The following IL1RL2 variants were observed in gnomAD, a reference collection of about 807,000 sequenced individuals.
IL1RL2 encodes interleukin 1 receptor like 2.
In IL1RL2, 68 loss-of-function variants were observed where a neutral mutation model predicts 66.8. The ratio of observed to expected loss-of-function variants is 1.02; its 90% confidence interval spans 0.84 to 1.25. IL1RL2 has a LOEUF of 1.25. Ranked by LOEUF, IL1RL2 falls within the 50% of genes most tolerant of loss-of-function variation. The pLI is 0.00. For missense variants in IL1RL2, 729 were observed against 709.3 expected, an observed-to-expected ratio of 1.03 and a Z score of -0.32; for synonymous variants, 305 against 264.6, an observed-to-expected ratio of 1.15 and a Z score of -1.48.
chr2:102,188,423 A>T (rs1352921217), intron 2 of IL1RL2, among the ~76,000 whole-genome samples: 1 of 151,874 alleles, frequency 6.6e-6, no homozygotes, highest in Non-Finnish European at 1.5e-5. Context: ...TCTCTACTAA[A>T]AATACATTAA....
At chr2:102,204,449 C>G (rs921338807) in intron 5 of IL1RL2, among the ~76,000 whole-genome samples, 1 of 152,032 alleles carries the variant, frequency 6.6e-6, no homozygotes, top group Admixed American at 6.5e-5. Context: ...GATTTTCTGC[C>G]TGGAAGATCT....
At chr2:102,196,150 T>C (rs976420756) in intron 4 of IL1RL2, among the ~76,000 whole-genome samples, 1 of 152,212 alleles carries the variant, frequency 6.6e-6, no homozygotes, top group Non-Finnish European at 1.5e-5. Context: ...CTCAGGGCTA[T>C]GACTAGCAAT....
In IL1RL2 at chr2:102,211,210, C is replaced by T. The variant is rs552812813; in HGVS notation, c.650-890C>T. On this transcript the variant is annotated intron_variant, in intron 5 of 11. Transcript: ENST00000264257. Reference sequence around the variant, plus strand: ...TGTATTTTTGCATTTTTCTTAGCTCCTCTCTTACAACTTTTCCATATCCCA... The same window carrying T: ...TGTATTTTTGCATTTTTCTTAGCTCTTCTCTTACAACTTTTCCATATCCCA... Among the ~76,000 whole-genome samples the T allele has an allele frequency of 7.2e-4, 109 of 152,280 alleles. 1 individual carries two copies. The highest frequency in any genetic ancestry group is 1.6e-4 in the Non-Finnish European group (11 of 68,020).
In IL1RL2 at chr2:102,233,081, A is replaced by T. The variant is rs201875816; in HGVS notation, c.1254A>T (p.Gly418=). 475 of 1,613,832 alleles carry T rather than the reference A, an allele frequency of 2.9e-4. 5 individuals are homozygous for T. Among genetic ancestry groups the T allele is most frequent in the Non-Finnish European group, 7.1e-5 (84 of 1,179,886 alleles). ...CCGAGGTGTTGGAGAGACAATGTGGATATAAGTTGTTTATATTCGGCAGAG... is the reference window on the plus strand; with the variant it reads ...CCGAGGTGTTGGAGAGACAATGTGGTTATAAGTTGTTTATATTCGGCAGAG... ...ILPEVLERQC[G]YKLFIFGRDE... is the part of the protein sequence containing the mutation. Residue 418 remains glycine, a synonymous_variant, in exon 10 of 12, where the codon GGA becomes GGT. Transcript: ENST00000264257.
At chr2:102,218,716 T>C (rs1453456748) in intron 6 of IL1RL2, among the ~76,000 whole-genome samples, 1 of 152,198 alleles carries the variant, frequency 6.6e-6, no homozygotes, top group Non-Finnish European at 1.5e-5. Context: ...GTGTACCTGA[T>C]GATGTTTGGT....
At chr2:102,237,421 G>A (rs1051201287) in intron 11 of IL1RL2, among the ~76,000 whole-genome samples, 4 of 152,174 alleles carry the variant, frequency 2.6e-5, no homozygotes, top group Admixed American at 1.3e-4. Flanking sequence ...AGGACGAAGC[G>A]TCCTCAGCCA....
chr2:102,200,314 A>C (rs1190251760), intron 4 of IL1RL2, among the ~76,000 whole-genome samples: 1 of 152,138 alleles, frequency 6.6e-6, no homozygotes, highest in Non-Finnish European at 1.5e-5. Context: ...AGGAAGTAGC[A>C]TTTCACATTA....
intron 5 of IL1RL2, among the ~76,000 whole-genome samples, chr2:102,209,950 C>T (rs1689018823): frequency 6.6e-6 from 1 of 152,084 alleles, no homozygotes; most frequent in Admixed American, 6.5e-5. Context: ...AACAGCCACC[C>T]CCACTGCTCT....
At chr2:102,187,130 G>A (rs1180448263) in intron 1 of IL1RL2, 44 bp downstream of exon 1, 1 of 1,284,714 alleles carries the variant, frequency 7.8e-7, no homozygotes, top group Non-Finnish European at 1.0e-6. Context: ...GCATGGGTGG[G>A]GCCCTGACAG....
intron 11 of IL1RL2, 104 bp downstream of exon 11, chr2:102,235,381 G>C: frequency 6.6e-7 from 1 of 1,508,012 alleles, no homozygotes; most frequent in Non-Finnish European, 8.8e-7. Flanking sequence ...GGGGCCGTCT[G>C]CTCTGAAGCT....
At chr2:102,209,912 C>T (rs528000317) in intron 5 of IL1RL2, among the ~76,000 whole-genome samples, 3 of 152,208 alleles carry the variant, frequency 2.0e-5, no homozygotes, top group African/African-American at 4.8e-5. Context: ...GGTTCTGTGC[C>T]AGGCAGAGAG....
rs763853377 is a variant in IL1RL2, at chr2:102,235,108, C to T, written c.1509C>T (p.Tyr503=). The change falls in exon 11 of 12, where the codon TAC becomes TAT. Residue 503 remains tyrosine, a synonymous_variant. Coordinates refer to ENST00000264257, the MANE Select transcript of IL1RL2 (RefSeq NM_003854.4). ...DYTVMPESIQ[Y]IKQKHGAIRW... is the part of the protein sequence containing the mutation. ...CAGTCATGCCAGAGTCAATTCAGTA[C>T]ATCAAACAGAAGCATGGTGCCATCC... 28 of 1,614,100 alleles carry T rather than the reference C, an allele frequency of 1.7e-5. No individual in the cohort carries two copies. Among genetic ancestry groups the T allele is most frequent in the Non-Finnish European group, 1.7e-5 (20 of 1,180,048 alleles).
At chr2:102,223,110 A>G (rs1295265640) in intron 8 of IL1RL2, among the ~76,000 whole-genome samples, 2 of 152,160 alleles carry the variant, frequency 1.3e-5, no homozygotes, top group East Asian at 1.9e-4. Context: ...TTTTAAGCTC[A>G]TGCTTCTTAA....
At chr2:102,209,404 G>A (rs763619618) in intron 5 of IL1RL2, among the ~76,000 whole-genome samples, 1 of 152,180 alleles carries the variant, frequency 6.6e-6, no homozygotes, top group Non-Finnish European at 1.5e-5. Flanking sequence ...GAGGAAAGGA[G>A]TTCTCAGCTG....
At chr2:102,201,216 G>A (rs1466982789) in intron 4 of IL1RL2, among the ~76,000 whole-genome samples, 5 of 151,928 alleles carry the variant, frequency 3.3e-5, no homozygotes, top group African/African-American at 1.2e-4. Context: ...TCCAACTCAC[G>A]TAGGCCACTC....
At chr2:102,222,834 G>A (rs1279821406) in intron 8 of IL1RL2, among the ~76,000 whole-genome samples, 1 of 152,220 alleles carries the variant, frequency 6.6e-6, no homozygotes, top group Non-Finnish European at 1.5e-5. Context: ...AGAAGCTGTT[G>A]TAAGAAGCCT....
At chr2:102,222,993 T>C (rs1167352569) in intron 8 of IL1RL2, among the ~76,000 whole-genome samples, 1 of 152,224 alleles carries the variant, frequency 6.6e-6, no homozygotes, top group Non-Finnish European at 1.5e-5. Flanking sequence ...AAGCACTGTG[T>C]TCCGAAGGAT....
In IL1RL2 at chr2:102,204,995, C is replaced by A. The variant is rs563560485; in HGVS notation, c.649+3280C>A. 1.4e-3 allele frequency among the ~76,000 whole-genome samples: 219 copies of A among 151,868 alleles called. 2 individuals carry two copies. The South Asian group carries it at 0.024, about 16-fold the overall frequency. ...TCTGGTGATATGACTTGATTTCTTGCTTTTTATTTTTTTGTGACTCTATTG... is the reference window on the plus strand; with the variant it reads ...TCTGGTGATATGACTTGATTTCTTGATTTTTATTTTTTTGTGACTCTATTG... On this transcript the variant is annotated intron_variant, in intron 5 of 11. Transcript: ENST00000264257.
At chr2:102,194,228 A>C (rs1193318468) in intron 4 of IL1RL2, among the ~76,000 whole-genome samples, 1 of 152,198 alleles carries the variant, frequency 6.6e-6, no homozygotes, top group East Asian at 1.9e-4. Flanking sequence ...GAATAAAATC[A>C]TATGTAGTGT....
Sources: gnomAD v4.1 joint callset for allele counts (sites outside exome capture counted in the v4.1 genomes callset) on GRCh38, gnomAD v4.1.1 for gene constraint, MANE v1.5 for transcripts, NCBI Gene and HGNC (gene_info 2026-07-23, HGNC 2026-07-21) for gene names.